Variants in CEP128 observed in about 807,000 individuals in gnomAD.
CEP128 encodes the protein centrosomal protein 128kDa.
A neutral mutation model predicts 156.7 loss-of-function variants in CEP128; 132 were observed. The ratio of observed to expected loss-of-function variants is 0.84; its 90% CI spans 0.73 to 0.97. The LOEUF is 0.97. CEP128 is among the 50% of genes least tolerant of loss of function. The probability of loss-of-function intolerance (pLI) is 0.00; values close to 1 mark genes in which losing one functional copy is unlikely to be tolerated. For synonymous variants in CEP128, 469 were observed against 448.9 expected, an observed-to-expected ratio of 1.04 and a Z score of -0.57; for missense variants, 1,252 against 1,281.9, an observed-to-expected ratio of 0.98 and a Z score of 0.36.
At chr14:80,606,496 A>G (rs866919853) in intron 19 of CEP128, among the ~76,000 whole-genome samples, 3 of 152,238 alleles carry the variant, frequency 2.0e-5, no homozygotes, top group South Asian at 4.1e-4. Context: ...AAGTCTGTAA[A>G]ATTTCCATCA....
At chr14:80,649,775 A>G (rs1193645929) in intron 19 of CEP128, among the ~76,000 whole-genome samples, 1 of 152,118 alleles carries the variant, frequency 6.6e-6, no homozygotes, top group East Asian at 1.9e-4. Flanking sequence ...ATTGATCTAT[A>G]TATCTGTTTT....
At chr14:80,716,244 T>A (rs1185547683) in intron 19 of CEP128, among the ~76,000 whole-genome samples, 1 of 152,214 alleles carries the variant, frequency 6.6e-6, no homozygotes, top group Non-Finnish European at 1.5e-5. Context: ...ATATAATTTA[T>A]CCATTTAAAG....
Position 80,906,174 on chromosome 14 carries a change from T to A in CEP128, c.235-93A>T, listed in dbSNP as rs999692640. ...CAGATTTTCAAAGCTATTTCTGAAA[T>A]ATCTGGGTTCCCCCCAAAAAAAGGT... On this transcript the variant is annotated intron_variant, in intron 4 of 24. Coordinates refer to ENST00000555265, the MANE Select transcript of CEP128 (RefSeq NM_152446.5). 10 of 999,828 alleles carry A rather than the reference T, an allele frequency of 1.0e-5. No homozygotes were observed. In the African/African-American group the frequency reaches 1.7e-4, roughly 17 times the overall value. The allele number at this position is 999,828 out of a possible 1,614,324, so 61.9% of individuals were successfully genotyped here.
At chr14:80,599,884 G>C (rs1010195963) in intron 19 of CEP128, among the ~76,000 whole-genome samples, 1 of 152,150 alleles carries the variant, frequency 6.6e-6, no homozygotes, top group African/African-American at 2.4e-5. Context: ...TAGAGAAACT[G>C]AAATTTAAAA....
At chr14:80,877,442 G>A (rs543884158) in intron 8 of CEP128, among the ~76,000 whole-genome samples, 1 of 152,032 alleles carries the variant, frequency 6.6e-6, no homozygotes, top group Non-Finnish European at 1.5e-5. Flanking sequence ...CAAGAAATAA[G>A]TTGTAAAAAA....
rs76633850 is a variant in CEP128 at position 80,545,861 on chromosome 14, C to T, written c.2880+13418G>A. On this transcript the variant is annotated intron_variant, in intron 21 of 24. Transcript: ENST00000555265. ...GATGGCATAAATCAGTGATTCTCAA[C>T]CATAGTTGTACATTACAATCATCTG... Among the ~76,000 whole-genome samples the T allele has an allele frequency of 3.4e-3, 518 of 152,280 alleles. 3 individuals are homozygous for T. The highest frequency in any genetic ancestry group is 0.012 in the African/African-American group (498 of 41,558).
downstream of CEP128, among the ~76,000 whole-genome samples, chr14:80,494,966 C>T (rs977921991): frequency 6.6e-6 from 1 of 152,124 alleles, no homozygotes; most frequent in Non-Finnish European, 1.5e-5. Context: ...AACATTGAGC[C>T]AGATTTCTCC....
intron 19 of CEP128, among the ~76,000 whole-genome samples, chr14:80,720,176 T>C (rs1897761983): frequency 6.6e-6 from 1 of 151,880 alleles, no homozygotes; most frequent in African/African-American, 2.4e-5. Context: ...CCTCAGCATA[T>C]AAGAGAAACA....
chr14:80,921,764 G>C (rs1431739078), intron 2 of CEP128, among the ~76,000 whole-genome samples: 1 of 152,072 alleles, frequency 6.6e-6, no homozygotes, highest in Non-Finnish European at 1.5e-5. Context: ...AGGAGTTTGA[G>C]ACCAGCCTGG....
intron 8 of CEP128, among the ~76,000 whole-genome samples, chr14:80,879,821 C>T (rs995187683): frequency 3.1e-5 from 4 of 130,796 alleles, no homozygotes; most frequent in Admixed American, 1.5e-4. Context: ...TCCAGATCTA[C>T]GAAGCTCAAA....
intron 2 of CEP128, among the ~76,000 whole-genome samples, chr14:80,930,600 C>T (rs565605617): frequency 2.0e-5 from 3 of 152,280 alleles, no homozygotes; most frequent in East Asian, 1.9e-4. Context: ...ACAGGTGATT[C>T]GCCTTCTCCA....
At chr14:80,630,085 T>C (rs540261856) in intron 19 of CEP128, among the ~76,000 whole-genome samples, 1 of 152,128 alleles carries the variant, frequency 6.6e-6, no homozygotes, top group East Asian at 1.9e-4. Context: ...ATAACTGTTA[T>C]TTACCCTTCT....
In CEP128 at chr14:80,905,947, G is replaced by A. The variant is rs756780198; in HGVS notation, c.361+8C>T. 5 of 1,608,554 alleles carry A rather than the reference G, an allele frequency of 3.1e-6. No homozygotes were observed. In the East Asian group the frequency reaches 8.9e-5, roughly 29 times the overall value. ...TTTAATGTTTTTCAGAACATTTGAA[G>A]TGTTTACCTGACCCAGTGCCACCAT... On this transcript the variant is annotated splice_region_variant and intron_variant, in intron 5 of 24. Transcript: ENST00000555265.
chr14:80,923,890 C>T (rs559457408), intron 2 of CEP128, among the ~76,000 whole-genome samples: 1 of 152,222 alleles, frequency 6.6e-6, no homozygotes, highest in Non-Finnish European at 1.5e-5. Flanking sequence ...TTCCTCCATG[C>T]TGTTCTCATG....
At chr14:80,491,045 T>C (rs952127880) in intron 6 of CEP128, among the ~76,000 whole-genome samples, 1 of 152,182 alleles carries the variant, frequency 6.6e-6, no homozygotes, top group African/African-American at 2.4e-5. Context: ...TTGTGAACCA[T>C]TGCTTTCAGG....
intron 4 of CEP128, among the ~76,000 whole-genome samples, chr14:80,908,652 T>C (rs1884028519): frequency 6.6e-6 from 1 of 152,248 alleles, no homozygotes; most frequent in South Asian, 2.1e-4. Context: ...GCTTCTTCCC[T>C]TGGTTTTCAG....
upstream of CEP128, among the ~76,000 whole-genome samples, chr14:80,944,858 C>CAAAAAAAAAAAAAAAAAAAAA (rs1886298164): frequency 1.8e-5 from 1 of 54,994 alleles, no homozygotes; most frequent in Non-Finnish European, 3.3e-5. Flanking sequence ...AAAAAAAAAA[C>CAAAAAAAAAAAAAAAAAAAAA]AGAAAAAACA....
At chr14:80,488,568 C>A (rs1435220271), downstream of CEP128, among the ~76,000 whole-genome samples, 1 of 151,888 alleles carries the variant, frequency 6.6e-6, no homozygotes, top group Non-Finnish European at 1.5e-5. Flanking sequence ...TTGTGGAAGT[C>A]AGTGTGGTGA....
intron 19 of CEP128, among the ~76,000 whole-genome samples, chr14:80,626,787 A>G (rs1405388700): frequency 6.6e-6 from 1 of 151,784 alleles, no homozygotes; most frequent in African/African-American, 2.4e-5. Flanking sequence ...AAAATTAGCT[A>G]GATGTGGTGG....
Sources: gnomAD v4.1 joint callset for allele counts (sites outside exome capture counted in the v4.1 genomes callset) on GRCh38, gnomAD v4.1.1 for gene constraint, MANE v1.5 for transcripts, NCBI Gene and HGNC (gene_info 2026-07-23, HGNC 2026-07-21) for gene names.